CSRNP3: variants seen among roughly 807,000 people sequenced by gnomAD.
CSRNP3 encodes cysteine/serine-rich nuclear protein 3.
In CSRNP3, 12 loss-of-function variants were observed where a neutral mutation model predicts 48.0. That is an observed-to-expected ratio of 0.25 (90% confidence interval 0.16 to 0.41). The LOEUF is 0.41. CSRNP3 is among the 10% of genes least tolerant of loss of function. CSRNP3 has a pLI of 1.00. For synonymous variants in CSRNP3, 263 were observed against 269.7 expected, an observed-to-expected ratio of 0.98 and a Z score of 0.24; for missense variants, 580 against 724.4, an observed-to-expected ratio of 0.80 and a Z score of 2.29.
chr2:165,533,016 T>G (rs1684835350), intron 3 of CSRNP3, among the ~76,000 whole-genome samples: 1 of 152,048 alleles, frequency 6.6e-6, no homozygotes, highest in Admixed American at 6.6e-5. Flanking sequence ...ATGTGAAAAT[T>G]CTTATTTTCC....
chr2:165,622,848 G>A (rs904951887), intron 4 of CSRNP3, among the ~76,000 whole-genome samples: 2 of 152,102 alleles, frequency 1.3e-5, no homozygotes, highest in African/African-American at 4.8e-5. Flanking sequence ...TATATTACTA[G>A]AGAAGAAATA....
rs1362031070 is a variant in CSRNP3 at position 165,683,740 on chromosome 2, T to C, written c.*3987T>C. On this transcript the variant is annotated 3_prime_UTR_variant, in exon 7 of 7. Coordinates refer to ENST00000651982, the MANE Select transcript of CSRNP3 (RefSeq NM_001172173.2). ...TACAAATTATAATGGATAATATTAA[T>C]GAAGGGTGGCATGAAATAATCAAGC... 1.3e-5 allele frequency: 2 copies of C among 152,084 alleles called. No homozygotes were observed. The highest frequency in any genetic ancestry group is 6.6e-5 in the Admixed American group (1 of 15,234). The allele number at this position is 152,084 out of a possible 1,614,324, so 9.4% of individuals were successfully genotyped here. A position where few individuals can be genotyped will look rare whatever the true frequency, so the allele number is the denominator to read the frequency against.
chr2:165,550,884 G>C (rs1218478251), intron 3 of CSRNP3, among the ~76,000 whole-genome samples: 1 of 152,104 alleles, frequency 6.6e-6, no homozygotes, highest in Non-Finnish European at 1.5e-5. Context: ...GAACATGATG[G>C]ATATAAGCTT....
intron 3 of CSRNP3, among the ~76,000 whole-genome samples, chr2:165,579,710 A>T (rs747313311): frequency 6.6e-6 from 1 of 152,216 alleles, no homozygotes; most frequent in Non-Finnish European, 1.5e-5. Flanking sequence ...TTACAAATTA[A>T]TTGCTATTTT....
rs1438624620 is a variant in CSRNP3 at position 165,689,330 on chromosome 2, T to G, written c.*9577T>G. Reference sequence around the variant, plus strand: ...TCTTTTATTAGTGGCACTTGTATTATGCTGTACTTTTTATTACATATTGTA... The same window carrying G: ...TCTTTTATTAGTGGCACTTGTATTAGGCTGTACTTTTTATTACATATTGTA... On this transcript the variant is annotated 3_prime_UTR_variant, in exon 7 of 7. Transcript: ENST00000651982. The G allele has an allele frequency of 2.0e-5, 3 of 152,218 alleles. No homozygotes were observed. Among genetic ancestry groups the G allele is most frequent in the Non-Finnish European group, 4.4e-5 (3 of 68,018 alleles). The allele number at this position is 152,218 out of a possible 1,614,324, so 9.4% of individuals were successfully genotyped here. A position where few individuals can be genotyped will look rare whatever the true frequency, so the allele number is the denominator to read the frequency against.
Position 165,685,090 on chromosome 2 carries a change from AAC to A in CSRNP3, c.*5341_*5342del, listed in dbSNP as rs1218253586. On this transcript the variant is annotated 3_prime_UTR_variant, in exon 7 of 7. Transcript: ENST00000651982. ...AGAAACTATTTTGTTAAAAAATTTAAACACATTTTATATTAAAATAAGTGATC... is the reference window on the plus strand; with the variant it reads ...AGAAACTATTTTGTTAAAAAATTTAAACATTTTATATTAAAATAAGTGATC... 3.3e-5 allele frequency: 5 copies of A among 152,104 alleles called. No individual in the cohort carries two copies. The highest frequency in any genetic ancestry group is 1.3e-4 in the Admixed American group (2 of 15,242). 9.4% of individuals were successfully genotyped at this position (152,104 alleles called of 1,614,324 possible).
intron 3 of CSRNP3, among the ~76,000 whole-genome samples, chr2:165,570,684 T>A (rs1376195043): frequency 1.3e-5 from 2 of 151,846 alleles, no homozygotes; most frequent in African/African-American, 4.8e-5. Flanking sequence ...GATGTACATA[T>A]CTTAAGAACC....
intron 5 of CSRNP3, among the ~76,000 whole-genome samples, chr2:165,672,372 T>A (rs1411160581): frequency 6.6e-6 from 1 of 152,132 alleles, no homozygotes; most frequent in Non-Finnish European, 1.5e-5. Flanking sequence ...TGGGGAGACC[T>A]CACAATCATG....
At chr2:165,615,888 GTTTTT>G (rs957235965) in intron 4 of CSRNP3, among the ~76,000 whole-genome samples, 2,649 of 59,210 alleles carry the variant, frequency 0.045, 46 homozygotes, top group Middle Eastern at 0.11. Flanking sequence ...TGTTTGTGGG[GTTTTT>G]TTTTTTTTTT....
At chr2:165,581,695 C>A (rs1157522191) in intron 3 of CSRNP3, among the ~76,000 whole-genome samples, 1 of 152,044 alleles carries the variant, frequency 6.6e-6, no homozygotes, top group Non-Finnish European at 1.5e-5. Flanking sequence ...CATCACCATG[C>A]CCAGCTAATT....
intron 3 of CSRNP3, among the ~76,000 whole-genome samples, chr2:165,540,474 A>C (rs1420788769): frequency 6.6e-6 from 1 of 152,082 alleles, no homozygotes; most frequent in African/African-American, 2.4e-5. Flanking sequence ...AAACATAATT[A>C]ATACCTGCGA....
intron 6 of CSRNP3, among the ~76,000 whole-genome samples, chr2:165,678,260 G>A (rs1438262293): frequency 1.3e-5 from 2 of 152,142 alleles, no homozygotes; most frequent in Admixed American, 6.5e-5. Flanking sequence ...TAGATTAATA[G>A]CATGTGGAGA....
intron 3 of CSRNP3, among the ~76,000 whole-genome samples, chr2:165,562,175 T>C (rs1685243294): frequency 6.6e-6 from 1 of 152,108 alleles, no homozygotes; most frequent in Non-Finnish European, 1.5e-5. Context: ...TACCTGTGAC[T>C]CCAAAGAGAC....
chr2:165,632,081 T>A (rs1686547653), intron 4 of CSRNP3, among the ~76,000 whole-genome samples: 1 of 152,248 alleles, frequency 6.6e-6, no homozygotes, highest in African/African-American at 2.4e-5. Context: ...TAACAAAATA[T>A]GACTATCATC....
intron 1 of CSRNP3, among the ~76,000 whole-genome samples, chr2:165,483,933 A>G (rs1684080452): frequency 6.6e-6 from 1 of 152,218 alleles, no homozygotes; most frequent in Non-Finnish European, 1.5e-5. Flanking sequence ...TTCAGACCAT[A>G]GCATTCTATT....
intron 3 of CSRNP3, among the ~76,000 whole-genome samples, chr2:165,540,581 A>G (rs1284037450): frequency 6.6e-6 from 1 of 152,062 alleles, no homozygotes; most frequent in Non-Finnish European, 1.5e-5. Context: ...TTCTCTGCAC[A>G]CTAAGCCCTG....
chr2:165,675,372 C>T (rs1023424749), intron 5 of CSRNP3, among the ~76,000 whole-genome samples: 1 of 152,108 alleles, frequency 6.6e-6, no homozygotes, highest in South Asian at 2.1e-4. Flanking sequence ...GGAGTTTCTG[C>T]ATTAATTCTA....
intron 3 of CSRNP3, among the ~76,000 whole-genome samples, chr2:165,588,103 T>C (rs1281089536): frequency 6.6e-6 from 1 of 152,140 alleles, no homozygotes; most frequent in Admixed American, 6.5e-5. Context: ...CATAAATAAA[T>C]AATACGGATT....
intron 3 of CSRNP3, among the ~76,000 whole-genome samples, chr2:165,587,765 A>C (rs1176657430): frequency 6.6e-6 from 1 of 151,534 alleles, no homozygotes; most frequent in Non-Finnish European, 1.5e-5. Flanking sequence ...GCTTGTGAGC[A>C]AAAAAAAATT....
Sources: allele counts gnomAD v4.1 joint callset (sites outside exome capture counted in the v4.1 genomes callset), GRCh38; gene constraint gnomAD v4.1.1; transcripts MANE v1.5; gene names NCBI Gene and HGNC (gene_info 2026-07-23, HGNC 2026-07-21).